The following COL5A1 variants were observed in gnomAD, a reference collection of about 807,000 sequenced individuals.
COL5A1 encodes collagen alpha-1(V) chain.
In COL5A1, 16 loss-of-function variants were observed where a neutral mutation model predicts 263.7. The ratio of observed to expected loss-of-function variants is 0.06; its 90% CI spans 0.04 to 0.09. COL5A1 has a LOEUF of 0.09. Ranked by LOEUF, COL5A1 falls within the 10% of genes least tolerant of loss-of-function variation. The probability of loss-of-function intolerance (pLI) is 1.00; values close to 1 mark genes in which losing one functional copy is unlikely to be tolerated. For missense variants in COL5A1, 2,036 were observed against 2,540.5 expected, an observed-to-expected ratio of 0.80 and a Z score of 4.27; for synonymous variants, 1,012 against 1,004.5, an observed-to-expected ratio of 1.01 and a Z score of -0.14.
intron 1 of COL5A1, among the ~76,000 whole-genome samples, chr9:134,671,006 G>C (rs1407400141): frequency 6.6e-6 from 1 of 152,266 alleles, no homozygotes; most frequent in Non-Finnish European, 1.5e-5. Flanking sequence ...GGCCTGGGCT[G>C]CTGTGAGGAG....
chr9:134,729,559 CCT>C, intron 6 of COL5A1, among the ~76,000 whole-genome samples: 1 of 102,144 alleles, frequency 9.8e-6, no homozygotes, highest in Non-Finnish European at 1.9e-5. Context: ...TGTGCATGAG[CCT>C]GTGTGTGTGA....
Position 134,647,341 on chromosome 9 carries a change from C to T in COL5A1, c.109+5045C>T, listed in dbSNP as rs907868947. Among the ~76,000 whole-genome samples, 9 of 151,680 alleles carry T rather than the reference C, an allele frequency of 5.9e-5. No homozygotes were observed. The highest frequency in any genetic ancestry group is 2.2e-4 in the African/African-American group (9 of 40,996). On this transcript the variant is annotated intron_variant, in intron 1 of 65. Transcript: ENST00000371817. This position sits in a 1 kb window ranked among gnomAD's most constrained non-coding sequence, Gnocchi z 5.0. ...TTAGAAGCCAATTCCAGGGTTTGCA[C>T]TCATGTGTGCGTTTGTGTGTATGTG...
intron 2 of COL5A1, among the ~76,000 whole-genome samples, chr9:134,692,144 G>A (rs1833306789): frequency 6.6e-6 from 1 of 152,196 alleles, no homozygotes; most frequent in African/African-American, 2.4e-5. Flanking sequence ...TTTTGAGAAC[G>A]AGTTATTTCA....
At chr9:134,779,326 C>T (rs1460358101) in intron 27 of COL5A1, among the ~76,000 whole-genome samples, 4 of 152,334 alleles carry the variant, frequency 2.6e-5, no homozygotes, top group Non-Finnish European at 4.4e-5. Flanking sequence ...CTGCCCCAGG[C>T]GCTTGGCACA....
At chr9:134,733,893 G>A (rs1169694328) in intron 9 of COL5A1, among the ~76,000 whole-genome samples, 1 of 152,216 alleles carries the variant, frequency 6.6e-6, no homozygotes, top group South Asian at 2.1e-4. Context: ...GGCTTCTTTT[G>A]TGCTGTCCCC....
intron 1 of COL5A1, among the ~76,000 whole-genome samples, chr9:134,683,539 C>G (rs767977956): frequency 1.3e-5 from 2 of 152,208 alleles, no homozygotes; most frequent in Non-Finnish European, 2.9e-5. Flanking sequence ...TCCAGCTACT[C>G]AAACTGTGTG....
chr9:134,830,096 C>T (rs188692610), intron 64 of COL5A1, 52 bp downstream of exon 64: 19 of 1,613,368 alleles, frequency 1.2e-5, no homozygotes, highest in Admixed American at 8.3e-5. Flanking sequence ...CCGCCCATCT[C>T]GTATCTTACA....
intron 1 of COL5A1, among the ~76,000 whole-genome samples, chr9:134,655,384 C>T (rs775377239): frequency 7.9e-5 from 12 of 152,036 alleles, no homozygotes; most frequent in Middle Eastern, 3.4e-3. Flanking sequence ...GGGTGGAGGG[C>T]GGCTGTGTCC....
rs1839534264 is a variant in COL5A1, at chr9:134,829,996, C to T, written c.5088C>T (p.Pro1696=). 1 of 1,613,722 alleles carries T rather than the reference C, an allele frequency of 6.2e-7. No individual in the cohort carries two copies. Among genetic ancestry groups the T allele is most frequent in the African/African-American group, 1.3e-5 (1 of 74,914 alleles). Residue 1696 remains proline (P), a synonymous_variant, in exon 64 of 66, where the codon CCC becomes CCT. Coordinates refer to ENST00000371817, the MANE Select transcript of COL5A1 (RefSeq NM_000093.5). The part of the protein sequence containing the change: ...KSEGARITSW[P]KENPGSWFSE... ...TTTAGGCCAGAATCACTTCTTGGCC[C>T]AAAGAAAACCCGGGCTCCTGGTTCA...
chr9:134,747,568 T>C (rs1835564871), intron 11 of COL5A1, among the ~76,000 whole-genome samples: 1 of 151,872 alleles, frequency 6.6e-6, no homozygotes, highest in African/African-American at 2.4e-5. Context: ...CATACATGTA[T>C]TCACACACAT....
chr9:134,695,649 G>A (rs1215244353), intron 2 of COL5A1, among the ~76,000 whole-genome samples: 4 of 152,192 alleles, frequency 2.6e-5, no homozygotes, highest in Admixed American at 6.5e-5. Context: ...GAGAGGAGGG[G>A]GGTCCCATGA....
intron 21 of COL5A1, 133 bp from the exon 22 acceptor site, chr9:134,766,320 TC>T: frequency 1.2e-6 from 1 of 855,576 alleles, no homozygotes. Flanking sequence ...GTCCTTCCCT[TC>T]CCCAGAGAGC....
intron 63 of COL5A1, among the ~76,000 whole-genome samples, chr9:134,827,811 C>T (rs368096057): frequency 1.3e-4 from 20 of 152,340 alleles, no homozygotes; most frequent in East Asian, 9.7e-4. Flanking sequence ...TGGGGGAGCC[C>T]GCGCTTGCCC....
intron 4 of COL5A1, among the ~76,000 whole-genome samples, chr9:134,702,295 C>T (rs1373490703): frequency 5.3e-5 from 8 of 152,172 alleles, no homozygotes; most frequent in Non-Finnish European, 1.5e-5. Context: ...GCTTAAATGG[C>T]CTCCGAGGGC....
intron 1 of COL5A1, among the ~76,000 whole-genome samples, chr9:134,661,342 C>G (rs554013841): frequency 6.6e-6 from 1 of 151,608 alleles, no homozygotes; most frequent in Non-Finnish European, 1.5e-5. Flanking sequence ...GTTTGCACCA[C>G]CCCAGATCTT....
chr9:134,703,678 C>T lies in COL5A1; in HGVS notation c.654+2345C>T, dbSNP rs537362361. ...TTTGAGACGGAGTCTCGCTCCGTCG[C>T]CCAGGCTGGAGTGCAGTGGCACGAT... On this transcript the variant is annotated intron_variant, in intron 4 of 65. Coordinates refer to ENST00000371817, the MANE Select transcript of COL5A1 (RefSeq NM_000093.5). Among the ~76,000 whole-genome samples the T allele has an allele frequency of 4.8e-4, 69 of 142,448 alleles. 1 individual carries two copies. Among genetic ancestry groups the T allele is most frequent in the African/African-American group, 1.6e-3 (62 of 37,748 alleles). 93.5% of individuals were successfully genotyped at this position (142,448 alleles called of 152,430 possible).
At chr9:134,707,500 G>A (rs1221104249) in intron 4 of COL5A1, among the ~76,000 whole-genome samples, 1 of 150,192 alleles carries the variant, frequency 6.7e-6, no homozygotes, top group Non-Finnish European at 1.5e-5. Context: ...CCTGTGCTGA[G>A]TGGGCCTTTC....
intron 41 of COL5A1, 65 bp from the exon 42 acceptor site, chr9:134,806,124 T>A: frequency 8.1e-7 from 1 of 1,230,452 alleles, no homozygotes; most frequent in Non-Finnish European, 1.2e-6. Flanking sequence ...AGCTGGTGCT[T>A]TACAAAGTCA....
rs1475383610 is a variant in COL5A1 at position 134,755,869 on chromosome 9, C to T, written c.1828-896C>T. 6.6e-6 allele frequency among the ~76,000 whole-genome samples: 1 copy of T among 152,146 alleles called. No individual in the cohort carries two copies. Among genetic ancestry groups the T allele is most frequent in the Non-Finnish European group, 1.5e-5 (1 of 68,038 alleles). On this transcript the variant is annotated intron_variant, in intron 16 of 65. Coordinates refer to ENST00000371817, the MANE Select transcript of COL5A1 (RefSeq NM_000093.5). The surrounding 1 kb of genome is among the most constrained non-coding windows in gnomAD (Gnocchi z 4.1). ...GTGCTTTGAGACCCTAAGCTGCCAC[C>T]CTCCAGATCTTCTCTCTGCTTGGTG... is the stretch of plus-strand genomic sequence containing the variant.
Sources: allele counts gnomAD v4.1 joint callset (sites outside exome capture counted in the v4.1 genomes callset), GRCh38; gene constraint gnomAD v4.1.1; non-coding constraint Gnocchi (gnomAD v3.1); transcripts MANE v1.5; gene names NCBI Gene and HGNC (gene_info 2026-07-23, HGNC 2026-07-21).